The following STK3 variants were observed in gnomAD, a reference collection of about 807,000 sequenced individuals.
STK3 encodes the protein serine/threonine kinase 3.
A neutral mutation model predicts 58.0 loss-of-function variants in STK3; 41 were observed. The observed-to-expected ratio is 0.71, with a 90% CI of 0.55 to 0.92. The LOEUF is 0.92. Among genes scored for constraint, STK3 ranks in the 40% least tolerant of loss-of-function variants. The probability of loss-of-function intolerance (pLI) is 0.00; values close to 1 mark genes in which losing one functional copy is unlikely to be tolerated. For synonymous variants in STK3, 170 were observed against 191.0 expected (o/e 0.89, Z 0.91); for missense variants, 479 against 602.7 (o/e 0.79, Z 2.15).
intron 3 of STK3, among the ~76,000 whole-genome samples, chr8:98,417,623 A>G (rs191285744): frequency 5.9e-5 from 9 of 152,166 alleles, no homozygotes; most frequent in Non-Finnish European, 1.3e-4. Flanking sequence ...TGAACACGGT[A>G]CTCAACCTTT....
chr8:98,904,633 C>T, intron 1 of STK3: 1 of 616,026 alleles, frequency 1.6e-6, no homozygotes, highest in South Asian at 1.4e-5. Context: ...CCATATAGTG[C>T]TCCCGTTCAT....
intron 9 of STK3, among the ~76,000 whole-genome samples, chr8:98,536,461 T>TA (rs969944467): frequency 1.2e-4 from 18 of 151,280 alleles, no homozygotes; most frequent in Middle Eastern, 3.4e-3. Context: ...ACCCTTCTCT[T>TA]AAAAAAAAAT....
chr8:98,930,635 C>A (rs1430496042), intron 1 of STK3, among the ~76,000 whole-genome samples: 1 of 152,124 alleles, frequency 6.6e-6, no homozygotes, highest in Non-Finnish European at 1.5e-5. Context: ...TTTCTAACAG[C>A]CTTAAATTGC....
chr8:98,923,662 T>C (rs1001291190), intron 1 of STK3, among the ~76,000 whole-genome samples: 7 of 152,092 alleles, frequency 4.6e-5, no homozygotes, highest in Non-Finnish European at 8.8e-5. Flanking sequence ...CAAGGGTGAA[T>C]GGTCACTCAA....
At chr8:98,849,507 T>C (rs1263569129) in intron 3 of STK3, among the ~76,000 whole-genome samples, 2 of 152,178 alleles carry the variant, frequency 1.3e-5, no homozygotes, top group African/African-American at 4.8e-5. Context: ...ATTTATCTTA[T>C]GATTGCAAGT....
At chr8:98,494,654 CAAAAAAA>C (rs398008984) in intron 10 of STK3, among the ~76,000 whole-genome samples, 22 of 40,460 alleles carry the variant, frequency 5.4e-4, no homozygotes, top group East Asian at 8.7e-4. Flanking sequence ...GACCCTGTCT[CAAAAAAA>C]AAAAAAAAAA....
intron 3 of STK3, among the ~76,000 whole-genome samples, chr8:98,846,860 C>A (rs960285729): frequency 1.4e-5 from 2 of 148,058 alleles, no homozygotes; most frequent in Admixed American, 1.3e-4. Flanking sequence ...GGATCCTACA[C>A]ACACACACAC....
chr8:98,584,551 A>G (rs1429125272), intron 7 of STK3, among the ~76,000 whole-genome samples: 2 of 151,614 alleles, frequency 1.3e-5, no homozygotes, highest in East Asian at 1.9e-4. Context: ...TAATGCCGCA[A>G]TAAACATACG....
chr8:98,644,170 A>T (rs1820228807), intron 6 of STK3, among the ~76,000 whole-genome samples: 1 of 152,180 alleles, frequency 6.6e-6, no homozygotes, highest in Admixed American at 6.5e-5. Flanking sequence ...AGCACTACTG[A>T]ACTTCCCCTT....
At chr8:98,826,926 G>A (rs1835335000), upstream of STK3, among the ~76,000 whole-genome samples, 2 of 134,958 alleles carry the variant, frequency 1.5e-5, no homozygotes, top group African/African-American at 2.9e-5. Context: ...GGGAGGCTGA[G>A]GCAAGAGAAT....
At chr8:98,363,038 G>C in the STK3 span, among the ~76,000 whole-genome samples, 1 of 152,122 alleles carries the variant, frequency 6.6e-6, no homozygotes, top group Admixed American at 6.5e-5. Context: ...TCCAGGAAAG[G>C]CTCATGCATT....
At chr8:98,929,152 G>A (rs1839917955) in intron 1 of STK3, among the ~76,000 whole-genome samples, 1 of 152,176 alleles carries the variant, frequency 6.6e-6, no homozygotes, top group Admixed American at 6.5e-5. Context: ...TGTAATCCCA[G>A]CTACTTGGGA....
At chr8:98,731,520 C>T (rs994475620) in intron 4 of STK3, among the ~76,000 whole-genome samples, 21 of 152,084 alleles carry the variant, frequency 1.4e-4, no homozygotes, top group Non-Finnish European at 2.6e-4. Context: ...GAGATCAAGA[C>T]CATCCTGGCT....
At chr8:98,533,149 A>G (rs1826295648) in intron 9 of STK3, among the ~76,000 whole-genome samples, 1 of 152,152 alleles carries the variant, frequency 6.6e-6, no homozygotes, top group South Asian at 2.1e-4. Context: ...TAATGCTCCT[A>G]TGAATATTGT....
At chr8:98,470,416 G>A (rs910716419) in intron 10 of STK3, among the ~76,000 whole-genome samples, 1 of 152,196 alleles carries the variant, frequency 6.6e-6, no homozygotes, top group East Asian at 1.9e-4. Flanking sequence ...CCAGTTGTGA[G>A]AGACAGTCAT....
At chr8:98,503,807 A>G (rs1460772150) in intron 10 of STK3, among the ~76,000 whole-genome samples, 3 of 151,842 alleles carry the variant, frequency 2.0e-5, no homozygotes, top group Non-Finnish European at 4.4e-5. Flanking sequence ...TTGCTGAGGA[A>G]TGGTTTACTT....
chr8:98,605,935 GAT>G (rs1375009215), intron 6 of STK3, among the ~76,000 whole-genome samples: 1 of 152,128 alleles, frequency 6.6e-6, no homozygotes, highest in Non-Finnish European at 1.5e-5. Context: ...AGCCATGAAA[GAT>G]ATGTTTGTGG....
At chr8:98,657,915 T>C in intron 6 of STK3, among the ~76,000 whole-genome samples, 1 of 152,088 alleles carries the variant, frequency 6.6e-6, no homozygotes, top group East Asian at 1.9e-4. Flanking sequence ...ATTTAGTCCT[T>C]ACAATAAGCC....
chr8:98,701,337 G>A (rs138745260), intron 6 of STK3, among the ~76,000 whole-genome samples: 1 of 152,122 alleles, frequency 6.6e-6, no homozygotes, highest in Admixed American at 6.6e-5. Flanking sequence ...ACTTCCTAAG[G>A]CTGAGTGCAC....
Sources: gnomAD v4.1 joint callset for allele counts (sites outside exome capture counted in the v4.1 genomes callset) on GRCh38, gnomAD v4.1.1 for gene constraint, MANE v1.5 for transcripts, NCBI Gene and HGNC (gene_info 2026-07-23, HGNC 2026-07-21) for gene names.